Variants in EPS8L2 observed in about 807,000 individuals in gnomAD.
EPS8L2 encodes EPS8 signaling adaptor L2, also known as epidermal growth factor receptor kinase substrate 8-like protein 2.
Under a neutral mutation model 99.4 loss-of-function variants are expected in EPS8L2, and 81 were observed. The observed-to-expected ratio is 0.82, with a 90% CI of 0.68 to 0.98. EPS8L2 has a LOEUF of 0.98. Ranked by LOEUF, EPS8L2 falls within the 50% of genes least tolerant of loss-of-function variation. EPS8L2 has a pLI of 0.00. For missense variants in EPS8L2, 1,155 were observed against 968.8 expected (o/e 1.19, Z -2.55); for synonymous variants, 509 against 407.3 (o/e 1.25, Z -3.01).
chr11:724,420 C>T lies in EPS8L2; in HGVS notation c.1455-304C>T. The T allele has an allele frequency of 2.5e-6, 1 of 399,688 alleles. No homozygotes were observed. The highest frequency in any genetic ancestry group is 4.6e-6 in the Non-Finnish European group (1 of 215,734). 24.8% of individuals were successfully genotyped at this position (399,688 alleles called of 1,614,324 possible). A position where few individuals can be genotyped will look rare whatever the true frequency, so the allele number is the denominator to read the frequency against. ...CCAGGAACGCCCCTGGCTCTGGTTC[C>T]CCTGGGGTGCCGGACTGGAGACCCC... On this transcript the variant is annotated intron_variant, in intron 15 of 20. Coordinates refer to ENST00000318562, the MANE Select transcript of EPS8L2 (RefSeq NM_022772.4). The surrounding 1 kb of genome is among the most constrained non-coding windows in gnomAD (Gnocchi z 5.5).
intron 4 of EPS8L2, among the ~76,000 whole-genome samples, chr11:715,976 T>A (rs1331575503): frequency 2.1e-5 from 3 of 146,232 alleles, no homozygotes; most frequent in African/African-American, 7.6e-5. Flanking sequence ...ATCTTTTTTT[T>A]TTTTTTTTTT....
Position 719,532 on chromosome 11 carries a change from CTG to C in EPS8L2, c.166-527_166-526del, listed in dbSNP as rs1376363565. The stretch of plus-strand genomic sequence containing the variant: ...CCCGCACACACTTGTCGAGGGTCCT[CTG>C]TGCACCAGGCTTTGCCCTGGACCTG... On this transcript the variant is annotated intron_variant, in intron 4 of 20. Transcript: ENST00000318562. 2.6e-5 allele frequency among the ~76,000 whole-genome samples: 4 copies of C among 152,374 alleles called. No homozygotes were observed. The East Asian group carries it at 7.7e-4, about 29-fold the overall frequency.
intron 1 of EPS8L2, among the ~76,000 whole-genome samples, chr11:707,670 C>G (rs1441388645): frequency 3.3e-5 from 5 of 152,010 alleles, no homozygotes; most frequent in Non-Finnish European, 2.9e-5. Flanking sequence ...ACCCAGACAC[C>G]ACACCTGGAC....
chr11:707,627 G>T (rs143793954), intron 1 of EPS8L2, among the ~76,000 whole-genome samples: 132 of 152,154 alleles, frequency 8.7e-4, no homozygotes, highest in African/African-American at 2.8e-3. Flanking sequence ...GCTCCCACAG[G>T]GCAGGAGGCA....
chr11:715,047 T>C (rs113320006), intron 4 of EPS8L2, among the ~76,000 whole-genome samples: 5,589 of 152,060 alleles, frequency 0.037, 122 homozygotes, highest in East Asian at 0.071. Flanking sequence ...TCAAGACCAT[T>C]CTGGCTAACA....
At chr11:712,272 C>T (rs1441860519) in intron 4 of EPS8L2, among the ~76,000 whole-genome samples, 3 of 151,494 alleles carry the variant, frequency 2.0e-5, no homozygotes, top group Non-Finnish European at 2.9e-5. Flanking sequence ...GGGGACAGGG[C>T]GAGACTCCAT....
In EPS8L2 at chr11:724,728, T is replaced by G; in HGVS notation, c.1459T>G (p.Tyr487Asp). The G allele has an allele frequency of 6.2e-7, 1 of 1,612,878 alleles. No homozygotes were observed. Among genetic ancestry groups the G allele is most frequent in the East Asian group, 2.2e-5 (1 of 44,888 alleles). ...PVSSPHTHRG[Y>D]QPTPAMAKYV... ...AGCCCCTCCTGTTCCTCACAGGGGCTACCAGCCAACACCAGCCATGGCCAA... is the reference window on the plus strand; with the variant it reads ...AGCCCCTCCTGTTCCTCACAGGGGCGACCAGCCAACACCAGCCATGGCCAA... The change falls in exon 16 of 21, where the codon TAC (tyrosine) becomes GAC (aspartate). Residue 487 changes from tyrosine to aspartate, a missense_variant. Transcript: ENST00000318562. This position sits in a 1 kb window ranked among gnomAD's most constrained non-coding sequence, Gnocchi z 5.5.
At chr11:718,149 A>G (rs1241025853) in intron 4 of EPS8L2, among the ~76,000 whole-genome samples, 3 of 152,198 alleles carry the variant, frequency 2.0e-5, no homozygotes, top group East Asian at 3.8e-4. Context: ...TCTGGCCAAC[A>G]TGGAGAAACC....
In EPS8L2 at chr11:726,990, G is replaced by A. The variant is rs747723834; in HGVS notation, c.*9G>A. On this transcript the variant is annotated 3_prime_UTR_variant, in exon 21 of 21. Transcript: ENST00000318562. The stretch of plus-strand genomic sequence containing the variant: ...GGGGGGAGGACAGCTAGGCCCAGCT[G>A]CCTTGGGCTGGGGCCTGCGGAGGGG... 22 of 1,604,620 alleles carry A rather than the reference G, an allele frequency of 1.4e-5. No individual in the cohort carries two copies. In the East Asian group the frequency reaches 4.5e-4, roughly 33 times the overall value.
At position 727,067 on chromosome 11, in the gene EPS8L2, T is replaced by C; in HGVS notation, c.*86T>C. 1 of 962,192 alleles carries C rather than the reference T, an allele frequency of 1.0e-6. No individual in the cohort carries two copies. Among genetic ancestry groups the C allele is most frequent in the South Asian group, 1.5e-5 (1 of 65,638 alleles). The allele number at this position is 962,192 out of a possible 1,614,324, so 59.6% of individuals were successfully genotyped here. The stretch of plus-strand genomic sequence containing the variant: ...TATTTTTATATGTGTATGTATTTTG[T>C]ATCAAGGACACGGAGGGGGTGTGGT... On this transcript the variant is annotated 3_prime_UTR_variant, in exon 21 of 21. Coordinates refer to ENST00000318562, the MANE Select transcript of EPS8L2 (RefSeq NM_022772.4).
Position 720,591 on chromosome 11 carries a change from C to T in EPS8L2, c.328-6C>T. ...TGCGAGTCGTGTCCGCGCGATGTAC[C>T]CGCAGGAGGAGCTGGAAGACTTCCC... On this transcript the variant is annotated splice_region_variant and splice_polypyrimidine_tract_variant and intron_variant, in intron 5 of 20. Coordinates refer to ENST00000318562, the MANE Select transcript of EPS8L2 (RefSeq NM_022772.4). 6.3e-7 allele frequency: 1 copy of T among 1,597,754 alleles called. No individual in the cohort carries two copies. Among genetic ancestry groups the T allele is most frequent in the Non-Finnish European group, 8.5e-7 (1 of 1,174,036 alleles).
In EPS8L2 at chr11:724,745, C is replaced by A. The variant is rs1862270307; in HGVS notation, c.1476C>A (p.Ala492=). The change falls in exon 16 of 21, where the codon GCC becomes GCA. Residue 492 remains alanine (A), a synonymous_variant. Coordinates refer to ENST00000318562, the MANE Select transcript of EPS8L2 (RefSeq NM_022772.4). The surrounding 1 kb of genome is among the most constrained non-coding windows in gnomAD (Gnocchi z 5.5). The stretch of plus-strand genomic sequence containing the variant: ...ACAGGGGCTACCAGCCAACACCAGC[C>A]ATGGCCAAGTACGTCAAGATCCTGT... ...HTHRGYQPTP[A]MAKYVKILYD... The A allele has an allele frequency of 1.2e-6, 2 of 1,613,476 alleles. No homozygotes were observed. The highest frequency in any genetic ancestry group is 3.3e-5 in the Admixed American group (2 of 60,016).
At chr11:726,854 G>A in intron 20 of EPS8L2, 47 bp from the exon 21 acceptor site, 2 of 1,598,214 alleles carry the variant, frequency 1.3e-6, no homozygotes, top group South Asian at 1.1e-5. Flanking sequence ...CCGGCACCCA[G>A]ACACGTGGGA....
rs779807275 is a variant in EPS8L2 at position 726,295 on chromosome 11, C to G, written c.1754-9C>G. 1 of 1,600,006 alleles carries G rather than the reference C, an allele frequency of 6.2e-7. No homozygotes were observed. Among genetic ancestry groups the G allele is most frequent in the Non-Finnish European group, 8.5e-7 (1 of 1,174,054 alleles). On this transcript the variant is annotated splice_polypyrimidine_tract_variant and intron_variant, in intron 18 of 20. Transcript: ENST00000318562. ...GGCAGCGGCGGGCCTGAGTCGCGCG[C>G]CCCCTCAGAGCTCATGCAGCACATG...
chr11:720,888 A>C lies in EPS8L2; in HGVS notation c.536A>C (p.Lys179Thr). The C allele has an allele frequency of 1.5e-6, 2 of 1,361,768 alleles. No individual in the cohort carries two copies. Among genetic ancestry groups the C allele is most frequent in the South Asian group, 1.3e-5 (1 of 79,596 alleles). 84.4% of individuals were successfully genotyped at this position (1,361,768 alleles called of 1,614,324 possible). The stretch of plus-strand genomic sequence containing the variant: ...TTGGCCGACTGCCGGCTGGGCAAGA[A>C]GATGCGGCCGCAGACCCTGAAGTAG... ...SALADCRLGK[K>T]MRPQTLKGHQ... The change falls in exon 7 of 21, where the codon AAG becomes ACG. Residue 179 changes from lysine (K) to threonine (T), a missense_variant. Lys to Thr is a moderately conservative substitution (Grantham distance 78, BLOSUM62 -1). Coordinates refer to ENST00000318562, the MANE Select transcript of EPS8L2 (RefSeq NM_022772.4).
intron 4 of EPS8L2, among the ~76,000 whole-genome samples, chr11:715,594 T>C (rs1861999846): frequency 6.6e-6 from 1 of 151,840 alleles, no homozygotes; most frequent in African/African-American, 2.4e-5. Flanking sequence ...GGGTTTTATT[T>C]GATTCACTTT....
At chr11:710,302 G>T in intron 3 of EPS8L2, 120 bp from the exon 4 acceptor site, 1 of 902,666 alleles carries the variant, frequency 1.1e-6, no homozygotes, top group Non-Finnish European at 1.8e-6. Context: ...TGGTGGCCAA[G>T]AGGTCCACGG....
rs1861859046 is a variant in EPS8L2 at position 710,546 on chromosome 11, C to T, written c.165+60C>T. The T allele has an allele frequency of 5.5e-6, 8 of 1,447,406 alleles. No individual in the cohort carries two copies. In the South Asian group the frequency reaches 5.7e-5, roughly 10 times the overall value. 89.7% of individuals were successfully genotyped at this position (1,447,406 alleles called of 1,614,324 possible). A position where few individuals can be genotyped will look rare whatever the true frequency, so the allele number is the denominator to read the frequency against. ...GGGAGCACCCTCAGGACATGGCTGT[C>T]CTCAGGTTCTCGTCTCCACAAAAAA... On this transcript the variant is annotated intron_variant, in intron 4 of 20. Transcript: ENST00000318562.
In EPS8L2 at chr11:720,021, A is replaced by G. The variant is rs753186131; in HGVS notation, c.166-41A>G. 5.7e-6 allele frequency: 9 copies of G among 1,574,862 alleles called. No individual in the cohort carries two copies. The East Asian group carries it at 1.9e-4, about 32-fold the overall frequency. ...CCCTGGGGGCTGGGCTTTCGACACA[A>G]GGAGGGCTCTGCCCAGCAGTGACCA... On this transcript the variant is annotated intron_variant, in intron 4 of 20. Transcript: ENST00000318562.
Sources: gnomAD v4.1 joint callset for allele counts (sites outside exome capture counted in the v4.1 genomes callset) on GRCh38, gnomAD v4.1.1 for gene constraint, Gnocchi (gnomAD v3.1) non-coding constraint, MANE v1.5 for transcripts, NCBI Gene and HGNC (gene_info 2026-07-23, HGNC 2026-07-21) for gene names.